Variants in ABCC5 observed in about 807,000 individuals in gnomAD.
ABCC5 encodes the protein ATP-binding cassette sub-family C member 5.
A neutral mutation model predicts 160.9 loss-of-function variants in ABCC5; 61 were observed. The ratio of observed to expected loss-of-function variants is 0.38; its 90% CI spans 0.31 to 0.47. The LOEUF (loss-of-function observed/expected upper bound fraction) is 0.47, where lower values mean the gene tolerates loss of function less well. Ranked by LOEUF, ABCC5 falls within the 20% of genes least tolerant of loss-of-function variation. The probability of loss-of-function intolerance (pLI) is 0.99; values close to 1 mark genes in which losing one functional copy is unlikely to be tolerated. For missense variants in ABCC5, 1,308 were observed against 1,813.3 expected, an observed-to-expected ratio of 0.72 and a Z score of 5.06; for synonymous variants, 666 against 700.6, an observed-to-expected ratio of 0.95 and a Z score of 0.78.
intron 29 of ABCC5, among the ~76,000 whole-genome samples, chr3:183,922,013 A>G (rs539316090): frequency 1.3e-4 from 20 of 151,664 alleles, no homozygotes; most frequent in Non-Finnish European, 2.8e-4. Context: ...GCTGGGCGAC[A>G]CAACGAGACT....
intron 17 of ABCC5, among the ~76,000 whole-genome samples, chr3:183,953,739 GGGAAA>G (rs995944552): frequency 6.6e-6 from 1 of 152,134 alleles, no homozygotes; most frequent in African/African-American, 2.4e-5. Context: ...TGACCGGGTG[GGGAAA>G]GGAGAGAGCA....
At position 183,981,859 on chromosome 3, in the gene ABCC5, G is replaced by T. The variant is rs761323060; in HGVS notation, c.1015C>A (p.Leu339Ile). ...FYPAMMFASR[L>I]TAYFRRKCVA... ...CATTTTCTCCTGAAATATGCTGTGA[G>T]CCGTGATGCAAACATCTGAAAGGAA... The change falls in exon 8 of 30, where the codon CTC becomes ATC. Residue 339 changes from leucine (L) to isoleucine (I), a missense_variant. Leu to Ile is a conservative substitution (Grantham distance 5). Coordinates refer to ENST00000334444, the MANE Select transcript of ABCC5 (RefSeq NM_005688.4). 2 of 1,600,274 alleles carry T rather than the reference G, an allele frequency of 1.2e-6. No individual in the cohort carries two copies. The highest frequency in any genetic ancestry group is 8.5e-7 in the Non-Finnish European group (1 of 1,176,394).
At chr3:184,009,582 A>C (rs1055667174) in intron 2 of ABCC5, among the ~76,000 whole-genome samples, 11 of 152,250 alleles carry the variant, frequency 7.2e-5, no homozygotes, top group African/African-American at 2.7e-4. Context: ...CATGAAGACA[A>C]GTTAAAGATA....
In ABCC5 at chr3:183,953,104, C is replaced by A; in HGVS notation, c.2649G>T (p.Trp883Cys). The A allele has an allele frequency of 6.2e-7, 1 of 1,613,864 alleles. No homozygotes were observed. The highest frequency in any genetic ancestry group is 8.5e-7 in the Non-Finnish European group (1 of 1,179,918). ...ACCTTACCCCGCTTCCTTGCTTGAT[C>A]CAGTAACTCAACCACCAGGTGCTGA... is the stretch of plus-strand genomic sequence containing the variant. ...TAFSTWWLSYWIKQGSGNTTV... is the reference protein window; with the variant it reads ...TAFSTWWLSYCIKQGSGNTTV... The change falls in exon 18 of 30, where the codon TGG becomes TGT. Residue 883 changes from tryptophan (W) to cysteine (C), a missense_variant. Physicochemically the swap from Trp to Cys is radical, Grantham distance 215. Around this residue, in one of 3 missense-constraint regions of ABCC5, gnomAD observed 1,142 missense variants for 1,527.1 expected, o/e 0.75. Transcript: ENST00000334444.
intron 29 of ABCC5, among the ~76,000 whole-genome samples, chr3:183,923,787 A>G (rs1712240354): frequency 6.6e-6 from 1 of 152,180 alleles, no homozygotes; most frequent in Non-Finnish European, 1.5e-5. Context: ...ATAGTCACAA[A>G]AAACACTAGT....
chr3:183,954,208 C>A (rs1715656619), intron 17 of ABCC5, among the ~76,000 whole-genome samples: 1 of 152,086 alleles, frequency 6.6e-6, no homozygotes, highest in Non-Finnish European at 1.5e-5. Context: ...AGTGCAGTGG[C>A]GTGATCTCAG....
chr3:184,009,288 T>G (rs1022266355), intron 2 of ABCC5, among the ~76,000 whole-genome samples: 3 of 152,222 alleles, frequency 2.0e-5, no homozygotes, highest in East Asian at 3.8e-4. Flanking sequence ...TTTTGTTGTT[T>G]GTTTTAAATT....
intron 10 of ABCC5, among the ~76,000 whole-genome samples, chr3:183,974,232 T>C (rs1418377785): frequency 6.6e-6 from 1 of 152,246 alleles, no homozygotes; most frequent in Non-Finnish European, 1.5e-5. Flanking sequence ...AGAATGAATC[T>C]GTTGAGAACA....
chr3:183,954,921 G>A (rs1217139342), intron 17 of ABCC5, among the ~76,000 whole-genome samples: 1 of 152,142 alleles, frequency 6.6e-6, no homozygotes, highest in East Asian at 1.9e-4. Context: ...GGCAACATGG[G>A]GCAGGGAGGT....
At chr3:183,926,330 T>C (rs1049422634) in intron 28 of ABCC5, among the ~76,000 whole-genome samples, 1 of 151,030 alleles carries the variant, frequency 6.6e-6, no homozygotes, top group Non-Finnish European at 1.5e-5. Context: ...GGCAGGCGGA[T>C]CACGAGGTCA....
At chr3:184,015,167 T>C (rs1722086934) in intron 1 of ABCC5, among the ~76,000 whole-genome samples, 1 of 152,198 alleles carries the variant, frequency 6.6e-6, no homozygotes, top group African/African-American at 2.4e-5. Flanking sequence ...ACAAAGCTGT[T>C]AGTAAAAAAC....
rs182109578 is a variant in ABCC5 at position 183,958,619 on chromosome 3, A to G, written c.2482+1114T>C. Among the ~76,000 whole-genome samples the G allele has an allele frequency of 1.8e-3, 273 of 151,898 alleles. 3 individuals are homozygous for G. The highest frequency in any genetic ancestry group is 5.9e-3 in the African/African-American group (245 of 41,412). The stretch of plus-strand genomic sequence containing the variant: ...AAGAGGCAGTAAGTCAGGATGATCA[A>G]CTCCCAATACCAAATATCTCCTGCA... On this transcript the variant is annotated intron_variant, in intron 17 of 29. Coordinates refer to ENST00000334444, the MANE Select transcript of ABCC5 (RefSeq NM_005688.4).
At position 183,972,034 on chromosome 3, in the gene ABCC5, G is replaced by A. The variant is rs773131424; in HGVS notation, c.1405-115C>T. On this transcript the variant is annotated intron_variant, in intron 10 of 29. Coordinates refer to ENST00000334444, the MANE Select transcript of ABCC5 (RefSeq NM_005688.4). Reference sequence around the variant, plus strand: ...ACATCAGGCTATACAGTGGAAGGAAGCTGAAGGGCAAAAGGTAGCTCATTA... The same window carrying A: ...ACATCAGGCTATACAGTGGAAGGAAACTGAAGGGCAAAAGGTAGCTCATTA... The A allele has an allele frequency of 3.8e-6, 6 of 1,576,160 alleles. No individual in the cohort carries two copies. The Admixed American group carries it at 9.0e-5, about 24-fold the overall frequency.
chr3:184,005,788 A>G (rs542408780), intron 2 of ABCC5, among the ~76,000 whole-genome samples: 1 of 152,056 alleles, frequency 6.6e-6, no homozygotes, highest in African/African-American at 2.4e-5. Flanking sequence ...AATAATAACT[A>G]AAAAAAAGAA....
intron 2 of ABCC5, among the ~76,000 whole-genome samples, chr3:184,004,629 T>C (rs55982636): frequency 0.25 from 37,113 of 151,138 alleles, 5,191 homozygotes; most frequent in Middle Eastern, 0.33. Flanking sequence ...GTGACCACCA[T>C]ACTGCAGAGC....
Position 183,949,743 on chromosome 3 carries a change from C to G in ABCC5, c.3227+10G>C, listed in dbSNP as rs572325598. The G allele has an allele frequency of 1.2e-6, 2 of 1,613,648 alleles. No homozygotes were observed. Among genetic ancestry groups the G allele is most frequent in the African/African-American group, 2.7e-5 (2 of 74,936 alleles). On this transcript the variant is annotated intron_variant, in intron 22 of 29. Coordinates refer to ENST00000334444, the MANE Select transcript of ABCC5 (RefSeq NM_005688.4). This position sits in a 1 kb window ranked among gnomAD's most constrained non-coding sequence, Gnocchi z 4.2. ...CCCCTTTGAGGCCTCTAGCCCCCATCAGGACAAACCTGTGCAGAAACTCCT... is the reference window on the plus strand; with the variant it reads ...CCCCTTTGAGGCCTCTAGCCCCCATGAGGACAAACCTGTGCAGAAACTCCT...
At chr3:183,959,995 C>T (rs1422621774) in intron 16 of ABCC5, among the ~76,000 whole-genome samples, 160 bp from the exon 17 acceptor site, 4 of 152,206 alleles carry the variant, frequency 2.6e-5, no homozygotes, top group Non-Finnish European at 5.9e-5. Flanking sequence ...TGTACTTCCT[C>T]ATCTCCTTAA....
chr3:183,925,837 TTTC>T, intron 28 of ABCC5, 118 bp from the exon 29 acceptor site: 12 of 1,090,260 alleles, frequency 1.1e-5, no homozygotes, highest in Middle Eastern at 5.9e-4. Flanking sequence ...TTTTCTTTTC[TTTC>T]TTTTTTTTTT....
At chr3:184,007,881 G>A (rs1721366673) in intron 2 of ABCC5, among the ~76,000 whole-genome samples, 1 of 152,108 alleles carries the variant, frequency 6.6e-6, no homozygotes, top group Non-Finnish European at 1.5e-5. Context: ...AATTCACTGA[G>A]GTATTGCACT....
Sources: gnomAD v4.1 joint callset for allele counts (sites outside exome capture counted in the v4.1 genomes callset) on GRCh38, gnomAD v4.1.1 for gene constraint, gnomAD v4.1.1 regional missense constraint, Gnocchi (gnomAD v3.1) non-coding constraint, MANE v1.5 for transcripts, NCBI Gene and HGNC (gene_info 2026-07-23, HGNC 2026-07-21) for gene names.